The following LETMD1 variants were observed in gnomAD, a reference collection of about 807,000 sequenced individuals.
LETMD1 encodes LETM1 domain containing 1.
LETMD1 carries 30 observed loss-of-function variants against 43.9 expected under a neutral mutation model. The observed-to-expected ratio is 0.68, with a 90% CI of 0.51 to 0.93. The LOEUF (loss-of-function observed/expected upper bound fraction) is 0.93. Ranked by LOEUF, LETMD1 falls within the 40% of genes least tolerant of loss-of-function variation. The pLI, the probability that LETMD1 is intolerant of heterozygous loss-of-function variation, is 0.00. For missense variants in LETMD1, 413 were observed against 447.7 expected (o/e 0.92, Z 0.70); for synonymous variants, 176 against 163.1 (o/e 1.08, Z -0.60).
the LETMD1 span, chr12:51,067,919 C>T: frequency 6.2e-7 from 1 of 1,614,150 alleles, no homozygotes; most frequent in Non-Finnish European, 8.5e-7. The surrounding 1 kb of genome is among the most constrained non-coding windows in gnomAD (Gnocchi z 4.1). Flanking sequence ...ACACATCATC[C>T]AGCGTCAGGC....
intron 4 of LETMD1, 170 bp from the exon 5 acceptor site, chr12:51,055,665 T>TA (rs56285797): frequency 0.16 from 24,010 of 149,272 alleles, 1,282 homozygotes; most frequent in Non-Finnish European, 0.17. Context: ...CCCTGTCTCT[T>TA]AAAAAAAAAA....
At chr12:51,064,071 G>A (rs11542510), downstream of LETMD1, 32,048 of 1,614,066 alleles carry the variant, frequency 0.02, 807 homozygotes, top group African/African-American at 0.13. Context: ...GCCTTCTTCC[G>A]TACCAGGCTC....
At position 51,056,403 on chromosome 12, in the gene LETMD1, G is replaced by A; in HGVS notation, c.816G>A (p.Leu272=). 1 of 1,614,206 alleles carries A rather than the reference G, an allele frequency of 6.2e-7. No homozygotes were observed. The highest frequency in any genetic ancestry group is 8.5e-7 in the Non-Finnish European group (1 of 1,180,042). ...LLTSYLPPPL[L]RHRLKTHTTV... is the part of the protein sequence containing the mutation. The stretch of plus-strand genomic sequence containing the variant: ...CATCTTACCTGCCTCCTCCCTTGTT[G>A]AGACATCGTTTGAAGACTCATACAA... Residue 272 remains leucine, a synonymous_variant, in exon 7 of 9, where the codon TTG becomes TTA. Transcript: ENST00000262055.
downstream of LETMD1, chr12:51,064,274 G>A (rs150122327): frequency 2.7e-5 from 43 of 1,612,724 alleles, no homozygotes; most frequent in Admixed American, 5.0e-5. Context: ...ACAGCTCTTC[G>A]GGGACAGCCA....
chr12:51,067,060 G>T, the LETMD1 span, among the ~76,000 whole-genome samples: 2 of 152,010 alleles, frequency 1.3e-5, no homozygotes, highest in South Asian at 4.2e-4. The surrounding 1 kb of genome is among the most constrained non-coding windows in gnomAD (Gnocchi z 4.1). Flanking sequence ...GAACTCCTGG[G>T]AAGCAATCTG....
chr12:51,052,182 A>C lies in LETMD1; in HGVS notation c.365A>C (p.Tyr122Ser). 6.2e-7 allele frequency: 1 copy of C among 1,613,848 alleles called. No homozygotes were observed. Among genetic ancestry groups the C allele is most frequent in the African/African-American group, 1.3e-5 (1 of 75,064 alleles). ...KHNIKFHQLPYREMEHLRQFR... is the reference protein window; with the variant it reads ...KHNIKFHQLPSREMEHLRQFR... ...AATATAAAGTTTCATCAACTTCCAT[A>C]CCGGGAGATGGAGCATTTGAGACAG... Residue 122 changes from tyrosine to serine, a missense_variant, in exon 3 of 9, where the codon TAC becomes TCC. Tyr to Ser is a moderately radical substitution (Grantham distance 144, BLOSUM62 -2). Transcript: ENST00000262055.
intron 4 of LETMD1, among the ~76,000 whole-genome samples, chr12:51,054,428 A>G (rs781621780): frequency 5.9e-5 from 9 of 152,172 alleles, no homozygotes; most frequent in Non-Finnish European, 1.0e-4. Context: ...CCTTAGTGAT[A>G]TTTAGCTGCT....
At chr12:51,051,843 G>A (rs1157953754) in intron 2 of LETMD1, among the ~76,000 whole-genome samples, 1 of 152,230 alleles carries the variant, frequency 6.6e-6, no homozygotes, top group African/African-American at 2.4e-5. Flanking sequence ...AAACAGAAGA[G>A]GGAGACCATT....
chr12:51,060,653 A>G (rs924366067), downstream of LETMD1, among the ~76,000 whole-genome samples: 2 of 152,230 alleles, frequency 1.3e-5, no homozygotes, highest in African/African-American at 4.8e-5. Context: ...CTGTAATCCC[A>G]GCACTTTGGG....
At chr12:51,048,281 T>C (rs765562721), upstream of LETMD1, 22 of 1,598,320 alleles carry the variant, frequency 1.4e-5, no homozygotes, top group African/African-American at 4.0e-5. Context: ...GACGCATGCG[T>C]CTTCGAACGA....
chr12:51,056,748 G>A lies in LETMD1; in HGVS notation c.915+246G>A, dbSNP rs533203883. On this transcript the variant is annotated intron_variant, in intron 7 of 8. Coordinates refer to ENST00000262055, the MANE Select transcript of LETMD1 (RefSeq NM_015416.5). ...TGGCTCACTGCAACCTCTGCCTCCC[G>A]GTTCAAGTGATCCTCCTACCTCAGC... 2.2e-4 allele frequency: 71 copies of A among 316,358 alleles called. No homozygotes were observed. In the East Asian group the frequency reaches 2.9e-3, roughly 13 times the overall value. The allele number at this position is 316,358 out of a possible 1,614,324, so 19.6% of individuals were successfully genotyped here. A position where few individuals can be genotyped will look rare whatever the true frequency, so the allele number is the denominator to read the frequency against.
chr12:51,062,122 C>G (rs1416717435), downstream of LETMD1: 1 of 152,132 alleles, frequency 6.6e-6, no homozygotes, highest in African/African-American at 2.4e-5. Context: ...AAATACAAAT[C>G]TTTTCAGGCT....
At chr12:51,054,260 A>G (rs1036109386) in intron 4 of LETMD1, among the ~76,000 whole-genome samples, 1 of 152,234 alleles carries the variant, frequency 6.6e-6, no homozygotes, top group African/African-American at 2.4e-5. Context: ...GTGATCTTGC[A>G]TGTCATTCAT....
At chr12:51,064,582 G>A (rs772276603), downstream of LETMD1, 8 of 1,603,514 alleles carry the variant, frequency 5.0e-6, no homozygotes, top group Non-Finnish European at 6.0e-6. Flanking sequence ...TAATGAGTCC[G>A]GACCCGGATT....
downstream of LETMD1, chr12:51,063,717 TG>T: frequency 6.8e-7 from 1 of 1,472,404 alleles, no homozygotes; most frequent in Non-Finnish European, 9.1e-7. Flanking sequence ...AAATAGAGAA[TG>T]GGTAAGAGGC....
chr12:51,055,957 A>G lies in LETMD1; in HGVS notation c.596A>G (p.Glu199Gly), dbSNP rs766034103. Residue 199 changes from glutamate (E) to glycine (G), a missense_variant, in exon 5 of 9, where the codon GAA becomes GGA. Coordinates refer to ENST00000262055, the MANE Select transcript of LETMD1 (RefSeq NM_015416.5). ...CACCCAGAAATTATTAGTTATTTAGAAAAGGTCATCCCTCTCATTTCTGAT... is the reference window on the plus strand; with the variant it reads ...CACCCAGAAATTATTAGTTATTTAGGAAAGGTCATCCCTCTCATTTCTGAT... The part of the protein sequence containing the change: ...QSHPEIISYL[E>G]KVIPLISDAG... The G allele has an allele frequency of 6.8e-6, 11 of 1,614,014 alleles. No homozygotes were observed. The highest frequency in any genetic ancestry group is 9.3e-6 in the Non-Finnish European group (11 of 1,179,990).
the LETMD1 span, among the ~76,000 whole-genome samples, chr12:51,066,577 G>A: frequency 1.3e-5 from 2 of 151,384 alleles, no homozygotes; most frequent in Non-Finnish European, 2.9e-5. Flanking sequence ...GGAGGTGGAG[G>A]TAGCAGTGAG....
chr12:51,048,610 G>T, intron 1 of LETMD1, 132 bp downstream of exon 1: 1 of 1,191,728 alleles, frequency 8.4e-7, no homozygotes, highest in South Asian at 1.5e-5. Context: ...TTCTGTTCAG[G>T]ATTCAAACTC....
intron 5 of LETMD1, 51 bp downstream of exon 5, chr12:51,056,072 G>A: frequency 1.2e-5 from 20 of 1,606,684 alleles, no homozygotes; most frequent in Non-Finnish European, 1.6e-5. Context: ...GTTAGATTCA[G>A]TGTGCACTAA....
Sources: gnomAD v4.1 joint callset for allele counts (sites outside exome capture counted in the v4.1 genomes callset) on GRCh38, gnomAD v4.1.1 for gene constraint, Gnocchi (gnomAD v3.1) non-coding constraint, MANE v1.5 for transcripts, NCBI Gene and HGNC (gene_info 2026-07-23, HGNC 2026-07-21) for gene names.